CUZD1: variants seen among roughly 807,000 people sequenced by gnomAD.
CUZD1 encodes the protein CUB and zona pellucida like domains 1.
In CUZD1, 42 loss-of-function variants were observed where a neutral mutation model predicts 53.1. The observed-to-expected ratio is 0.79, with a 90% CI of 0.62 to 1.02. CUZD1 has a LOEUF of 1.02. Ranked by LOEUF, CUZD1 falls within the 50% of genes least tolerant of loss-of-function variation. The probability of loss-of-function intolerance (pLI) is 0.00; values close to 1 mark genes in which losing one functional copy is unlikely to be tolerated. For missense variants in CUZD1, 670 were observed against 715.7 expected, an observed-to-expected ratio of 0.94 and a Z score of 0.73; for synonymous variants, 238 against 257.2, an observed-to-expected ratio of 0.93 and a Z score of 0.71.
intron 1 of CUZD1, 90 bp downstream of exon 1, chr10:122,845,672 A>AGAT (rs1355222115): frequency 8.0e-6 from 8 of 1,006,066 alleles, no homozygotes; most frequent in Non-Finnish European, 1.0e-5. Flanking sequence ...TGGGGCCAAC[A>AGAT]GATATAAACA....
rs114999958 is a variant in CUZD1, at chr10:122,833,429, T to G, written c.1651+243A>C. Among the ~76,000 whole-genome samples, 447 of 152,326 alleles carry G rather than the reference T, an allele frequency of 2.9e-3. 3 individuals carry two copies. The highest frequency in any genetic ancestry group is 5.6e-3 in the African/African-American group (232 of 41,576). On this transcript the variant is annotated intron_variant, in intron 8 of 8. Coordinates refer to ENST00000392790, the MANE Select transcript of CUZD1 (RefSeq NM_022034.6). ...GTTTTTAGAGATGAGGACATTACAC[T>G]TATACTCAAAATCCAAATGAATAAT...
chr10:122,843,835 C>T (rs1285771395), intron 1 of CUZD1, among the ~76,000 whole-genome samples: 1 of 132,542 alleles, frequency 7.5e-6, no homozygotes, highest in Non-Finnish European at 1.5e-5. Context: ...ATATATATGT[C>T]CACACAGAAA....
intron 1 of CUZD1, among the ~76,000 whole-genome samples, chr10:122,842,735 G>A (rs1847363988): frequency 6.6e-6 from 1 of 152,102 alleles, no homozygotes; most frequent in African/African-American, 2.4e-5. Flanking sequence ...TTGATTTCTA[G>A]AATGTATAAA....
intron 4 of CUZD1, 120 bp from the exon 5 acceptor site, chr10:122,837,168 C>G: frequency 5.5e-6 from 5 of 901,394 alleles, no homozygotes; most frequent in South Asian, 1.8e-5. Context: ...AATGGTATCT[C>G]AGGTTTACGA....
Position 122,833,907 on chromosome 10 carries a change from GGGATACACCTTACAAGTTTCA to G in CUZD1, c.1395_1415del (p.Glu466_Pro472del), listed in dbSNP as rs759897242. ...GGAATCTCCCATAGTGTCCAAATAA[GGGATACACCTTACAAGTTTCA>G]TCTCGACTACATCTGGAACAGAATT... On this transcript the variant is annotated inframe_deletion, in exon 8 of 9. Coordinates refer to ENST00000392790, the MANE Select transcript of CUZD1 (RefSeq NM_022034.6). 3.1e-6 allele frequency: 5 copies of G among 1,613,626 alleles called. No individual in the cohort carries two copies. In the South Asian group the frequency reaches 5.5e-5, roughly 18 times the overall value.
At chr10:122,836,446 A>G in intron 5 of CUZD1, 96 bp from the exon 6 acceptor site, 1 of 1,096,260 alleles carries the variant, frequency 9.1e-7, no homozygotes, top group Non-Finnish European at 1.3e-6. Flanking sequence ...ATATATAAAA[A>G]GTCAAAACCA....
At chr10:122,833,255 T>C (rs1847187528) in intron 8 of CUZD1, among the ~76,000 whole-genome samples, 1 of 151,880 alleles carries the variant, frequency 6.6e-6, no homozygotes, top group Admixed American at 6.6e-5. Context: ...TTCTTTGTCT[T>C]TTTTTTTAAT....
chr10:122,837,428 A>G lies in CUZD1; in HGVS notation c.575T>C (p.Ile192Thr), dbSNP rs1353595526. 6.8e-6 allele frequency: 11 copies of G among 1,613,966 alleles called. No individual in the cohort carries two copies. Among genetic ancestry groups the G allele is most frequent in the Non-Finnish European group, 9.3e-6 (11 of 1,179,988 alleles). The stretch of plus-strand genomic sequence containing the variant: ...CAAAATCTCTTTGAAGTTTAGTTTT[A>G]TCTTGTAATCTTTCTCCACTTGTAT... ...WHIQVEKDYK[I>T]KLNFKEIFLE... The change falls in exon 4 of 9, where the codon ATA (isoleucine) becomes ACA (threonine). Residue 192 changes from isoleucine (I) to threonine (T), a missense_variant. By Grantham distance (89) the Ile-to-Thr change is moderately conservative. Transcript: ENST00000392790.
rs556042895 is a variant in CUZD1, at chr10:122,841,372, T to G, written c.83-44A>C. The G allele has an allele frequency of 1.0e-5, 16 of 1,541,636 alleles. No individual in the cohort carries two copies. The East Asian group carries it at 3.4e-4, about 33-fold the overall frequency. On this transcript the variant is annotated intron_variant, in intron 1 of 8. Transcript: ENST00000392790. ...GGCACTCAGGAAAGTCAACAGGCCCTTTCCCCTCCCTGAGAGATTAGGAAT... is the reference window on the plus strand; with the variant it reads ...GGCACTCAGGAAAGTCAACAGGCCCGTTCCCCTCCCTGAGAGATTAGGAAT...
chr10:122,844,073 T>C (rs1197162338), intron 1 of CUZD1, among the ~76,000 whole-genome samples: 2 of 151,300 alleles, frequency 1.3e-5, no homozygotes, highest in African/African-American at 4.9e-5. Context: ...CTGTTACCTA[T>C]ACTGGATTGA....
chr10:122,837,470 G>A lies in CUZD1; in HGVS notation c.533C>T (p.Ala178Val), dbSNP rs1403852840. The change falls in exon 4 of 9, where the codon GCT becomes GTT. Residue 178 changes from alanine (A) to valine (V), a missense_variant. By Grantham distance (64) the Ala-to-Val change is moderately conservative. Transcript: ENST00000392790. ...CACTTGTATGTGCCACACACAATAA[G>A]CCAGCTCAGGATGCGGCTTTGGGTA... ...PNYPKPHPEL[A>V]YCVWHIQVEK... is the part of the protein sequence containing the mutation. The A allele has an allele frequency of 1.2e-5, 20 of 1,613,394 alleles. No individual in the cohort carries two copies. Among genetic ancestry groups the A allele is most frequent in the East Asian group, 2.2e-5 (1 of 44,860 alleles).
intron 6 of CUZD1, among the ~76,000 whole-genome samples, chr10:122,835,969 C>T (rs1008054442): frequency 6.6e-6 from 1 of 152,014 alleles, no homozygotes; most frequent in African/African-American, 2.4e-5. Context: ...GATAACTATC[C>T]CCCACTTATC....
Position 122,832,178 on chromosome 10 carries a change from T to C in CUZD1, c.*100A>G, listed in dbSNP as rs1181713413. On this transcript the variant is annotated 3_prime_UTR_variant, in exon 9 of 9. Transcript: ENST00000392790. ...TGACATGCAGGCCTGTGTGTCACTT[T>C]CAGGCCCTTCCTCATTTATTCATAA... is the stretch of plus-strand genomic sequence containing the variant. 1 of 1,214,626 alleles carries C rather than the reference T, an allele frequency of 8.2e-7. No homozygotes were observed. Among genetic ancestry groups the C allele is most frequent in the Non-Finnish European group, 1.2e-6 (1 of 842,778 alleles). The allele number at this position is 1,214,626 out of a possible 1,614,324, so 75.2% of individuals were successfully genotyped here.
rs746046760 is a variant in CUZD1, at chr10:122,841,243, C to T, written c.168G>A (p.Glu56=). 1 of 1,614,054 alleles carries T rather than the reference C, an allele frequency of 6.2e-7. No individual in the cohort carries two copies. Among genetic ancestry groups the T allele is most frequent in the South Asian group, 1.1e-5 (1 of 91,050 alleles). Residue 56 remains glutamate, a synonymous_variant, in exon 2 of 9, where the codon GAG becomes GAA. Transcript: ENST00000392790. ...KAMILQLNPS[E]NCTWTIERPE... ...GTCTTTCTATTGTCCAGGTGCAGTT[C>T]TCACTGGGATTGAGTTGCAGGATCA... is the stretch of plus-strand genomic sequence containing the variant.
rs569583802 is a variant in CUZD1, at chr10:122,834,866, T to C, written c.1222A>G (p.Thr408Ala). 1 of 1,613,794 alleles carries C rather than the reference T, an allele frequency of 6.2e-7. No individual in the cohort carries two copies. The highest frequency in any genetic ancestry group is 1.7e-5 in the Admixed American group (1 of 59,974). Residue 408 changes from threonine (T) to alanine (A), a missense_variant, in exon 7 of 9, where the codon ACT becomes GCT. By Grantham distance (58) the Thr-to-Ala change is moderately conservative (BLOSUM62 0). Transcript: ENST00000392790. The part of the protein sequence containing the change: ...ALFESNSFEK[T>A]ILESPYYVDL... The stretch of plus-strand genomic sequence containing the variant: ...ACATAATATGGTGATTCAAGTATAG[T>C]CTTTTCAAATGAATTGGATTCAAAA...
At position 122,833,779 on chromosome 10, in the gene CUZD1, C is replaced by T; in HGVS notation, c.1544G>A (p.Gly515Asp). 3 of 1,614,036 alleles carry T rather than the reference C, an allele frequency of 1.9e-6. No individual in the cohort carries two copies. The highest frequency in any genetic ancestry group is 2.5e-6 in the Non-Finnish European group (3 of 1,179,984). Residue 515 changes from glycine to aspartate, a missense_variant, in exon 8 of 9, where the codon GGT becomes GAT. Transcript: ENST00000392790. ...GTCTCGTTTGCTTCTGGAGACACAA[C>T]CTTGATTGCAGCGAGACTGGTGGTC... is the stretch of plus-strand genomic sequence containing the variant. The part of the protein sequence containing the change: ...SSDHQSRCNQ[G>D]CVSRSKRDIS...
In CUZD1 at chr10:122,833,736, C is replaced by G. The variant is rs755651813; in HGVS notation, c.1587G>C (p.Trp529Cys). 6.2e-6 allele frequency: 10 copies of G among 1,613,786 alleles called. No individual in the cohort carries two copies. Among genetic ancestry groups the G allele is most frequent in the Non-Finnish European group, 8.5e-6 (10 of 1,179,974 alleles). ...TGGGTCCTATGATGGAATCTGTTTTCCATTTATATGAAGAAATGTCTCGTT... is the reference window on the plus strand; with the variant it reads ...TGGGTCCTATGATGGAATCTGTTTTGCATTTATATGAAGAAATGTCTCGTT... ...RSKRDISSYKWKTDSIIGPIR... is the reference protein window; with the variant it reads ...RSKRDISSYKCKTDSIIGPIR... Residue 529 changes from tryptophan to cysteine, a missense_variant, in exon 8 of 9, where the codon TGG (tryptophan) becomes TGC (cysteine). Coordinates refer to ENST00000392790, the MANE Select transcript of CUZD1 (RefSeq NM_022034.6).
At chr10:122,843,886 TAC>T (rs1390643551) in intron 1 of CUZD1, among the ~76,000 whole-genome samples, 8 of 147,180 alleles carry the variant, frequency 5.4e-5, no homozygotes, top group African/African-American at 1.0e-4. Flanking sequence ...ATATATAATA[TAC>T]AGTTATATAT....
At chr10:122,843,963 T>C (rs1847389164) in intron 1 of CUZD1, among the ~76,000 whole-genome samples, 1 of 147,976 alleles carries the variant, frequency 6.8e-6, no homozygotes, top group Non-Finnish European at 1.5e-5. Flanking sequence ...ATATATAGAC[T>C]ATATAAAGAC....
Sources: allele counts gnomAD v4.1 joint callset (sites outside exome capture counted in the v4.1 genomes callset), GRCh38; gene constraint gnomAD v4.1.1; transcripts MANE v1.5; gene names NCBI Gene and HGNC (gene_info 2026-07-23, HGNC 2026-07-21).